The following COL6A3 variants were observed in gnomAD, a reference collection of about 807,000 sequenced individuals.
The protein encoded by COL6A3 is collagen alpha-3(VI) chain.
Under a neutral mutation model 274.1 loss-of-function variants are expected in COL6A3, and 137 were observed. The ratio of observed to expected loss-of-function variants is 0.50; its 90% confidence interval spans 0.44 to 0.58. The LOEUF is 0.58. Ranked by LOEUF, COL6A3 falls within the 20% of genes least tolerant of loss-of-function variation. The pLI is 0.00. For synonymous variants in COL6A3, 1,650 were observed against 1,650.6 expected (o/e 1.00, Z 0.01); for missense variants, 3,950 against 4,124.9 (o/e 0.96, Z 1.16).
chr2:237,332,513 C>T (rs1305067122), intron 42 of COL6A3, among the ~76,000 whole-genome samples: 1 of 152,070 alleles, frequency 6.6e-6, no homozygotes, highest in African/African-American at 2.4e-5. Flanking sequence ...GTGGGGTCGC[C>T]TAACAGGCTC....
intron 36 of COL6A3, chr2:237,343,462 CCG>C (rs2077031678): frequency 8.4e-6 from 1 of 119,508 alleles, no homozygotes; most frequent in South Asian, 2.9e-4. Flanking sequence ...TTGCAGTGAG[CCG>C]AGATCACGCC....
chr2:237,359,933 C>A (rs1322999110), intron 17 of COL6A3, among the ~76,000 whole-genome samples, 155 bp downstream of exon 17: 1 of 152,234 alleles, frequency 6.6e-6, no homozygotes, highest in Non-Finnish European at 1.5e-5. Flanking sequence ...CCTGAACCCA[C>A]CCTGCTCAGA....
chr2:237,389,087 A>C (rs1051325209), intron 3 of COL6A3, among the ~76,000 whole-genome samples: 7 of 152,216 alleles, frequency 4.6e-5, no homozygotes, highest in African/African-American at 1.7e-4. Flanking sequence ...CCCTGATTAG[A>C]ATTAGCCTGG....
chr2:237,410,876 C>A (rs2078840437), intron 1 of COL6A3, among the ~76,000 whole-genome samples: 1 of 152,148 alleles, frequency 6.6e-6, no homozygotes, highest in Non-Finnish European at 1.5e-5. Context: ...GAAGCTGTAT[C>A]TAGAAACGGG....
chr2:237,361,589 C>T lies in COL6A3; in HGVS notation c.6156+150G>A. On this transcript the variant is annotated intron_variant, in intron 15 of 43. Transcript: ENST00000295550. This position sits in a 1 kb window ranked among gnomAD's most constrained non-coding sequence, Gnocchi z 5.1. ...CCCAGCAGAACAGCACGCAGGTCTG[C>T]CCCTCAGAGCTCCTCCTTCTAACAT... 2 of 801,598 alleles carry T rather than the reference C, an allele frequency of 2.5e-6. No individual in the cohort carries two copies. Among genetic ancestry groups the T allele is most frequent in the East Asian group, 5.1e-5 (2 of 38,974 alleles). The allele number at this position is 801,598 out of a possible 1,614,324, so 49.7% of individuals were successfully genotyped here.
At chr2:237,342,379 C>T (rs2077005148) in intron 36 of COL6A3, 7 of 579,408 alleles carry the variant, frequency 1.2e-5, no homozygotes, top group Non-Finnish European at 2.2e-5. Flanking sequence ...AGTTCATATC[C>T]CGTTCAAATG....
rs886044041 is a variant in COL6A3, at chr2:237,340,940, T to C, written c.7976A>G (p.Gln2659Arg). ...CACAACTGCCACTCTGGCGAAGTGC[T>C]GGGAGGCCTTGGGATCTGGGCTCAT... ...LDMSPDPKASQHFARVAVVQH... is the reference protein window; with the variant it reads ...LDMSPDPKASRHFARVAVVQH... Residue 2659 changes from glutamine (Q) to arginine (R), a missense_variant, in exon 38 of 44, where the codon CAG (glutamine) becomes CGG (arginine). Gln to Arg is a conservative substitution (Grantham distance 43). Transcript: ENST00000295550. 12 of 1,613,726 alleles carry C rather than the reference T, an allele frequency of 7.4e-6. No homozygotes were observed. Among genetic ancestry groups the C allele is most frequent in the Admixed American group, 1.7e-5 (1 of 59,996 alleles).
At chr2:237,387,434 C>T (rs538058187) in intron 4 of COL6A3, 148 bp downstream of exon 4, 1 of 1,204,520 alleles carries the variant, frequency 8.3e-7, no homozygotes, top group Non-Finnish European at 1.2e-6. Flanking sequence ...AACATGACAT[C>T]CAGGACCCAG....
In COL6A3 at chr2:237,357,075, A is replaced by T. The variant is rs1268471710; in HGVS notation, c.6591+263T>A. On this transcript the variant is annotated intron_variant, in intron 23 of 43. Transcript: ENST00000295550. ...ATTTAGTTGGATCAAACCTGGCCCG[A>T]TATTTGAAAGTAGCAAAGATATTAT... The T allele has an allele frequency of 1.2e-5, 7 of 569,850 alleles. No homozygotes were observed. The Admixed American group carries it at 2.1e-4, about 17-fold the overall frequency. The allele number at this position is 569,850 out of a possible 1,614,324, so 35.3% of individuals were successfully genotyped here.
chr2:237,362,691 C>T (rs2106345200), intron 14 of COL6A3, among the ~76,000 whole-genome samples: 1 of 152,294 alleles, frequency 6.6e-6, no homozygotes. Context: ...CAGCTCAGCC[C>T]CACATCTTCC....
rs535162639 is a variant in COL6A3 at position 237,370,515 on chromosome 2, G to T, written c.4285+1217C>A. 5.4e-3 allele frequency among the ~76,000 whole-genome samples: 820 copies of T among 152,260 alleles called. 3 individuals are homozygous for T. The highest frequency in any genetic ancestry group is 9.0e-3 in the Non-Finnish European group (610 of 68,020). Reference sequence around the variant, plus strand: ...GCCTCCCAAAGTGCTGGGATTACAGGCGTGAGCCACCACGCCCAGCCTAGT... The same window carrying T: ...GCCTCCCAAAGTGCTGGGATTACAGTCGTGAGCCACCACGCCCAGCCTAGT... On this transcript the variant is annotated intron_variant, in intron 9 of 43. Coordinates refer to ENST00000295550, the MANE Select transcript of COL6A3 (RefSeq NM_004369.4).
chr2:237,358,582 C>T lies in COL6A3; in HGVS notation c.6410G>A (p.Gly2137Asp). Residue 2137 changes from glycine (G) to aspartate (D), a missense_variant and splice_region_variant, in exon 21 of 44, where the codon GGT (glycine) becomes GAT (aspartate). By Grantham distance (94) the Gly-to-Asp change is moderately conservative (BLOSUM62 -1). Coordinates refer to ENST00000295550, the MANE Select transcript of COL6A3 (RefSeq NM_004369.4). ...SGEKGNPGRR[G>D]DKGPRGEKGE... The stretch of plus-strand genomic sequence containing the variant: ...TTTCTCTCCTCGAGGTCCTTTATCA[C>T]CCTAAAGAAAAAGCACAAGTGGATG... 6.2e-7 allele frequency: 1 copy of T among 1,613,640 alleles called. No individual in the cohort carries two copies. The highest frequency in any genetic ancestry group is 8.5e-7 in the Non-Finnish European group (1 of 1,179,628).
intron 6 of COL6A3, among the ~76,000 whole-genome samples, chr2:237,378,379 A>G (rs773682114): frequency 6.6e-6 from 1 of 152,246 alleles, no homozygotes; most frequent in Non-Finnish European, 1.5e-5. Flanking sequence ...GAGGAAAAAA[A>G]ATCCTTCTGA....
rs150815991 is a variant in COL6A3 at position 237,344,542 on chromosome 2, C to T, written c.7476G>A (p.Ser2492=). 3.3e-5 allele frequency: 53 copies of T among 1,614,068 alleles called. No individual in the cohort carries two copies. Among genetic ancestry groups the T allele is most frequent in the East Asian group, 6.7e-5 (3 of 44,898 alleles). ...GCTTAAATGTGTTCCTGGCCACAAA[C>T]GACATGGCAGTCTCCAGACTCTGCT... ...SKQQSLETAM[S]FVARNTFKRV... Residue 2492 remains serine (S), a synonymous_variant, in exon 36 of 44, where the codon TCG becomes TCA. Transcript: ENST00000295550. The surrounding 1 kb of genome is among the most constrained non-coding windows in gnomAD (Gnocchi z 4.8).
intron 11 of COL6A3, among the ~76,000 whole-genome samples, chr2:237,366,390 A>G (rs1346078111): frequency 6.6e-6 from 1 of 152,244 alleles, no homozygotes; most frequent in African/African-American, 2.4e-5. Flanking sequence ...TACTTGATCT[A>G]ATAAATCTAT....
Position 237,359,106 on chromosome 2 carries a change from T to G in COL6A3, c.6355-18A>C. On this transcript the variant is annotated intron_variant, in intron 19 of 43. Transcript: ENST00000295550. ...TTGTCTCCCTGCCAAAGACAAGGAT[T>G]AAAGGTCACACCTGCTGCAATTTCT... is the stretch of plus-strand genomic sequence containing the variant. 6.2e-7 allele frequency: 1 copy of G among 1,614,114 alleles called. No individual in the cohort carries two copies. Among genetic ancestry groups the G allele is most frequent in the Non-Finnish European group, 8.5e-7 (1 of 1,179,974 alleles).
rs115016289 is a variant in COL6A3, at chr2:237,401,007, A to G, written c.-30-4160T>C. On this transcript the variant is annotated intron_variant, in intron 1 of 43. Coordinates refer to ENST00000295550, the MANE Select transcript of COL6A3 (RefSeq NM_004369.4). Reference sequence around the variant, plus strand: ...TAGCAAAGCTTGAGACCTCACACTTATAATTTCAAAACATATTACAAAATG... The same window carrying G: ...TAGCAAAGCTTGAGACCTCACACTTGTAATTTCAAAACATATTACAAAATG... Among the ~76,000 whole-genome samples, 837 of 152,368 alleles carry G rather than the reference A, an allele frequency of 5.5e-3. 9 individuals are homozygous for G. The highest frequency in any genetic ancestry group is 0.019 in the African/African-American group (790 of 41,588).
chr2:237,403,200 A>C (rs1247231868), intron 1 of COL6A3, among the ~76,000 whole-genome samples: 1 of 152,168 alleles, frequency 6.6e-6, no homozygotes, highest in Non-Finnish European at 1.5e-5. Context: ...GGTCAGGCCC[A>C]GAGGGAGAAG....
At chr2:237,346,921 A>G (rs2077108427) in intron 31 of COL6A3, among the ~76,000 whole-genome samples, 1 of 151,636 alleles carries the variant, frequency 6.6e-6, no homozygotes, top group African/African-American at 2.4e-5. Context: ...ATAATCATCC[A>G]ATGTTTTAAA....
Sources: allele counts gnomAD v4.1 joint callset (sites outside exome capture counted in the v4.1 genomes callset), GRCh38; gene constraint gnomAD v4.1.1; non-coding constraint Gnocchi (gnomAD v3.1); transcripts MANE v1.5; gene names NCBI Gene and HGNC (gene_info 2026-07-23, HGNC 2026-07-21).